Variants in MTTP observed in about 807,000 individuals in gnomAD.
The protein encoded by MTTP is microsomal triglyceride transfer protein.
MTTP carries 49 observed loss-of-function variants against 90.6 expected under a neutral mutation model. The observed-to-expected ratio is 0.54, with a 90% CI of 0.43 to 0.69. The LOEUF (loss-of-function observed/expected upper bound fraction) is 0.69. MTTP is among the 30% of genes least tolerant of loss of function. The pLI is 0.00. For missense variants in MTTP, 945 were observed against 1,067.5 expected, an observed-to-expected ratio of 0.89 and a Z score of 1.60; for synonymous variants, 347 against 384.2, an observed-to-expected ratio of 0.90 and a Z score of 1.13.
chr4:99,572,531 C>T (rs1227438932), upstream of MTTP, among the ~76,000 whole-genome samples: 1 of 151,914 alleles, frequency 6.6e-6, no homozygotes, highest in African/African-American at 2.4e-5. Context: ...GTAAATTAAT[C>T]TGAGACTCAT....
At chr4:99,567,343 TC>T (rs1251652618) in intron 1 of MTTP, among the ~76,000 whole-genome samples, 1 of 152,016 alleles carries the variant, frequency 6.6e-6, no homozygotes, top group Non-Finnish European at 1.5e-5. Flanking sequence ...TGAAAAGGAA[TC>T]CCTAAAACCT....
intron 1 of MTTP, among the ~76,000 whole-genome samples, chr4:99,578,709 G>T (rs767356191): frequency 1.3e-5 from 2 of 152,120 alleles, no homozygotes; most frequent in Non-Finnish European, 2.9e-5. Context: ...CAAATGTTTC[G>T]TAGTTATTTT....
At chr4:99,584,911 T>C (rs989959606) in intron 3 of MTTP, among the ~76,000 whole-genome samples, 1 of 152,278 alleles carries the variant, frequency 6.6e-6, no homozygotes, top group Non-Finnish European at 1.5e-5. Flanking sequence ...GAATATTTTA[T>C]GAAGCCTTCT....
chr4:99,594,685 A>G, intron 6 of MTTP, 48 bp from the exon 7 acceptor site: 1 of 1,603,908 alleles, frequency 6.2e-7, no homozygotes, highest in Non-Finnish European at 8.5e-7. Context: ...TATCTTGTTC[A>G]CTCAAAAGAA....
chr4:99,569,044 G>A (rs1396128405), intron 1 of MTTP, among the ~76,000 whole-genome samples: 1 of 152,098 alleles, frequency 6.6e-6, no homozygotes, highest in African/African-American at 2.4e-5. Context: ...ATGAAAAAAA[G>A]GGTGAAGAAA....
chr4:99,613,999 T>C (rs948725037), intron 15 of MTTP, among the ~76,000 whole-genome samples: 1 of 152,212 alleles, frequency 6.6e-6, no homozygotes, highest in Non-Finnish European at 1.5e-5. Flanking sequence ...ATTTGCTAAA[T>C]AAAATCTTAT....
At chr4:99,619,583 T>A (rs1322786300) in intron 16 of MTTP, among the ~76,000 whole-genome samples, 1 of 152,214 alleles carries the variant, frequency 6.6e-6, no homozygotes, top group Non-Finnish European at 1.5e-5. Context: ...CTGTGAGATT[T>A]AATGAAAGTG....
chr4:99,600,363 GA>G (rs1356509387), intron 8 of MTTP, among the ~76,000 whole-genome samples: 2 of 151,952 alleles, frequency 1.3e-5, no homozygotes, highest in African/African-American at 4.8e-5. Flanking sequence ...GAGTGAGAGA[GA>G]GGGGCGTTCA....
At chr4:99,618,784 C>G (rs1253954197) in intron 15 of MTTP, among the ~76,000 whole-genome samples, 190 bp from the exon 16 acceptor site, 1 of 152,108 alleles carries the variant, frequency 6.6e-6, no homozygotes, top group Non-Finnish European at 1.5e-5. Flanking sequence ...ATTAATTTAG[C>G]AAATCAACAG....
chr4:99,609,926 G>A (rs1725910520), intron 12 of MTTP, among the ~76,000 whole-genome samples: 1 of 152,148 alleles, frequency 6.6e-6, no homozygotes, highest in African/African-American at 2.4e-5. Context: ...GGAGATCCTG[G>A]GTGTACTTGC....
chr4:99,616,196 C>T (rs982516018), intron 15 of MTTP, among the ~76,000 whole-genome samples: 4 of 152,060 alleles, frequency 2.6e-5, no homozygotes, highest in Non-Finnish European at 5.9e-5. Flanking sequence ...AAGTTTGAGA[C>T]CAGGCTGGGC....
intron 15 of MTTP, among the ~76,000 whole-genome samples, chr4:99,614,155 A>G (rs1465177535): frequency 1.3e-5 from 2 of 152,208 alleles, no homozygotes; most frequent in Non-Finnish European, 2.9e-5. Flanking sequence ...ATAATAGCCT[A>G]CGTTTGAATT....
At chr4:99,581,684 C>T (rs1257004176) in intron 1 of MTTP, among the ~76,000 whole-genome samples, 1 of 152,070 alleles carries the variant, frequency 6.6e-6, no homozygotes, top group Non-Finnish European at 1.5e-5. Context: ...ATTAGGAATA[C>T]AAACTAAGGT....
Position 99,594,777 on chromosome 4 carries a change from T to C in MTTP, c.803T>C (p.Met268Thr), listed in dbSNP as rs146513720. Residue 268 changes from methionine (M) to threonine (T), a missense_variant, in exon 7 of 18, where the codon ATG (methionine) becomes ACG (threonine). Met to Thr is a moderately conservative substitution (Grantham distance 81, BLOSUM62 -1). Transcript: ENST00000265517. ...LKTTEAGPRL[M>T]SGKQAAAIIK... ...ACAACCGAAGCAGGCCCAAGATTGA[T>C]GTCTGGAAAGCAGGCTGCAGCCATA... 1.0e-4 allele frequency: 161 copies of C among 1,613,954 alleles called. No homozygotes were observed. Among genetic ancestry groups the C allele is most frequent in the Non-Finnish European group, 1.3e-4 (154 of 1,179,940 alleles).
In MTTP at chr4:99,622,910, T is replaced by A; in HGVS notation, c.*62T>A. 1 of 1,519,048 alleles carries A rather than the reference T, an allele frequency of 6.6e-7. No individual in the cohort carries two copies. The highest frequency in any genetic ancestry group is 9.1e-7 in the Non-Finnish European group (1 of 1,093,824). 94.1% of individuals were successfully genotyped at this position (1,519,048 alleles called of 1,614,324 possible). A position where few individuals can be genotyped will look rare whatever the true frequency, so the allele number is the denominator to read the frequency against. ...CGAAAGGGACACAATGTGGCATGAC[T>A]AAGTACTTGCTCTCTGAGAGCACAG... is the stretch of plus-strand genomic sequence containing the variant. On this transcript the variant is annotated 3_prime_UTR_variant, in exon 18 of 18. Transcript: ENST00000265517.
In MTTP at chr4:99,581,979, C is replaced by A. The variant is rs141736123; in HGVS notation, c.136C>A (p.Arg46=). 1.9e-6 allele frequency: 3 copies of A among 1,614,016 alleles called. No homozygotes were observed. The highest frequency in any genetic ancestry group is 2.5e-6 in the Non-Finnish European group (3 of 1,180,012). Residue 46 remains arginine, a synonymous_variant, in exon 2 of 18, where the codon CGG becomes AGG. Transcript: ENST00000265517. ...GTACTCCACTGAAGTTCTTCTTGATCGGGGCAAAGGAAAACTGCAAGACAG... is the reference window on the plus strand; with the variant it reads ...GTACTCCACTGAAGTTCTTCTTGATAGGGGCAAAGGAAAACTGCAAGACAG... The part of the protein sequence containing the change: ...LTYSTEVLLD[R]GKGKLQDSVG...
intron 10 of MTTP, among the ~76,000 whole-genome samples, chr4:99,603,115 T>C (rs549867289): frequency 1.7e-4 from 26 of 152,252 alleles, no homozygotes; most frequent in Middle Eastern, 3.4e-3. Flanking sequence ...CTAGGAGACA[T>C]ACAATAATGT....
chr4:99,586,595 G>A (rs1462765085), intron 3 of MTTP, among the ~76,000 whole-genome samples: 1 of 152,054 alleles, frequency 6.6e-6, no homozygotes, highest in Non-Finnish European at 1.5e-5. Flanking sequence ...TTACTTGTTT[G>A]TTCTCCAGTG....
In MTTP at chr4:99,619,015, C is replaced by A. The variant is rs766315235; in HGVS notation, c.2259C>A (p.Val753=). 3 of 1,613,440 alleles carry A rather than the reference C, an allele frequency of 1.9e-6. No homozygotes were observed. In the Admixed American group the frequency reaches 5.0e-5, roughly 27 times the overall value. ...LQSGLKANIE[V]QGGLAIDISG... The stretch of plus-strand genomic sequence containing the variant: ...CTGGACTAAAAGCCAATATAGAGGT[C>A]CAGGGTGGTCTAGCTATTGATATTT... The change falls in exon 16 of 18, where the codon GTC becomes GTA. Residue 753 remains valine, a synonymous_variant. Coordinates refer to ENST00000265517, the MANE Select transcript of MTTP (RefSeq NM_001386140.1).
Sources: allele counts gnomAD v4.1 joint callset (sites outside exome capture counted in the v4.1 genomes callset), GRCh38; gene constraint gnomAD v4.1.1; transcripts MANE v1.5; gene names NCBI Gene and HGNC (gene_info 2026-07-23, HGNC 2026-07-21).